NID1: variants seen among roughly 807,000 people sequenced by gnomAD.
NID1 encodes nidogen 1, also known as nidogen-1.
Under a neutral mutation model 130.6 loss-of-function variants are expected in NID1, and 76 were observed. That is an observed-to-expected ratio of 0.58 (90% CI 0.48 to 0.70). The LOEUF (loss-of-function observed/expected upper bound fraction) is 0.70, where lower values mean the gene tolerates loss of function less well. Ranked by LOEUF, NID1 falls within the 30% of genes least tolerant of loss-of-function variation. The probability of loss-of-function intolerance (pLI) is 0.00; values close to 1 mark genes in which losing one functional copy is unlikely to be tolerated. For synonymous variants in NID1, 665 were observed against 675.1 expected (o/e 0.98, Z 0.23); for missense variants, 1,517 against 1,664.8 (o/e 0.91, Z 1.54).
At chr1:235,988,504 A>G (rs1011820953) in intron 14 of NID1, among the ~76,000 whole-genome samples, 5 of 152,354 alleles carry the variant, frequency 3.3e-5, no homozygotes, top group African/African-American at 1.2e-4. Context: ...GAATTACTGT[A>G]TGATCCAGCA....
intron 1 of NID1, among the ~76,000 whole-genome samples, chr1:236,054,017 G>T (rs1659830799): frequency 6.6e-6 from 1 of 152,146 alleles, no homozygotes; most frequent in African/African-American, 2.4e-5. Flanking sequence ...GGAGACAGAA[G>T]AACATGCTAA....
Position 236,042,004 on chromosome 1 carries a change from T to C in NID1, c.1041A>G (p.Thr347=). The C allele has an allele frequency of 6.2e-7, 1 of 1,614,176 alleles. No homozygotes were observed. Among genetic ancestry groups the C allele is most frequent in the East Asian group, 2.2e-5 (1 of 44,878 alleles). The part of the protein sequence containing the change: ...AATERPLGPP[T]ERTRSFQLAV... ...CCAACTGGAAAGACCTGGTTCTCTC[T>C]GTGGGAGGTCCAAGGGGCCTTTCGG... Residue 347 remains threonine, a synonymous_variant, in exon 4 of 20, where the codon ACA becomes ACG. Transcript: ENST00000264187.
intron 10 of NID1, among the ~76,000 whole-genome samples, chr1:236,015,872 C>T (rs1284742547): frequency 6.6e-6 from 1 of 151,980 alleles, no homozygotes; most frequent in African/African-American, 2.4e-5. Flanking sequence ...GACATTTGCC[C>T]AGCACCTGTC....
At chr1:236,060,683 T>C (rs1660013664) in intron 1 of NID1, 1 of 151,952 alleles carries the variant, frequency 6.6e-6, no homozygotes, top group Admixed American at 6.6e-5. Flanking sequence ...TTGGGGCTTT[T>C]CCGATGGTAG....
intron 12 of NID1, among the ~76,000 whole-genome samples, chr1:235,996,378 T>C (rs943999697): frequency 1.3e-5 from 2 of 152,222 alleles, no homozygotes; most frequent in Admixed American, 6.5e-5. Context: ...AGCCAAGGAA[T>C]GCCTAGGTGC....
In NID1 at chr1:236,025,780, TA is replaced by T. The variant is rs1658911388; in HGVS notation, c.1984+115del. 5.2e-6 allele frequency: 7 copies of T among 1,343,960 alleles called. No homozygotes were observed. The South Asian group carries it at 8.4e-5, about 16-fold the overall frequency. 83.3% of individuals were successfully genotyped at this position (1,343,960 alleles called of 1,614,324 possible). A position where few individuals can be genotyped will look rare whatever the true frequency, so the allele number is the denominator to read the frequency against. On this transcript the variant is annotated intron_variant, in intron 8 of 19. Transcript: ENST00000264187. ...ACATTCTTTTTTTCCTGCCAGAAGATACTTTAGCATAATTTTCTTCTACAGA... is the reference window on the plus strand; with the variant it reads ...ACATTCTTTTTTTCCTGCCAGAAGATCTTTAGCATAATTTTCTTCTACAGA...
chr1:236,057,333 G>A (rs887292128), intron 1 of NID1, among the ~76,000 whole-genome samples: 1 of 152,144 alleles, frequency 6.6e-6, no homozygotes, highest in East Asian at 1.9e-4. Context: ...GAGGAGAAAT[G>A]TGCCAGAAAA....
chr1:236,034,983 TCTTTC>T (rs1659209768), intron 5 of NID1, among the ~76,000 whole-genome samples: 1 of 111,968 alleles, frequency 8.9e-6, no homozygotes, highest in African/African-American at 5.6e-5. Context: ...CTTTTTTTTT[TCTTTC>T]TTTCTTTCTT....
chr1:236,037,660 GA>G (rs34826236), intron 5 of NID1, among the ~76,000 whole-genome samples: 59 of 127,980 alleles, frequency 4.6e-4, no homozygotes, highest in African/African-American at 1.3e-3. Context: ...TCTGTCTCAA[GA>G]AAAAAAAAAA....
rs946452738 is a variant in NID1, at chr1:235,991,044, C to T, written c.2770G>A (p.Ala924Thr). 1.3e-6 allele frequency: 2 copies of T among 1,598,310 alleles called. No individual in the cohort carries two copies. Among genetic ancestry groups the T allele is most frequent in the Non-Finnish European group, 8.5e-7 (1 of 1,172,762 alleles). ...GMTPPCLSTV[A>T]PPIHQGPAVP... ...GCAGGTCCTTGGTGAATCGGGGGAG[C>T]CACTGTACTCAGACCTGCATGGCAG... Residue 924 changes from alanine (A) to threonine (T), a missense_variant, in exon 14 of 20, where the codon GCT becomes ACT. By Grantham distance (58) the Ala-to-Thr change is moderately conservative. Around this residue, in one of 3 missense-constraint regions of NID1, gnomAD observed 1,329 missense variants for 1,429.2 expected, o/e 0.93. Transcript: ENST00000264187.
chr1:236,008,315 AGC>A (rs927148435), intron 12 of NID1, among the ~76,000 whole-genome samples: 3 of 152,202 alleles, frequency 2.0e-5, no homozygotes, highest in African/African-American at 7.2e-5. Context: ...ACATTTCAGT[AGC>A]CATGATCTTC....
In NID1 at chr1:236,042,067, G is replaced by A; in HGVS notation, c.978C>T (p.Tyr326=). 6.2e-7 allele frequency: 1 copy of A among 1,614,188 alleles called. No homozygotes were observed. The highest frequency in any genetic ancestry group is 1.1e-5 in the South Asian group (1 of 91,082). ...KALRRGGADT[Y]SVPSVLSPRR... ...GCGGGGAGAGGACGCTGGGCACACTGTATGTGTCAGCACCTCCCCTTCTCA... is the reference window on the plus strand; with the variant it reads ...GCGGGGAGAGGACGCTGGGCACACTATATGTGTCAGCACCTCCCCTTCTCA... Residue 326 remains tyrosine, a synonymous_variant, in exon 4 of 20, where the codon TAC becomes TAT. Coordinates refer to ENST00000264187, the MANE Select transcript of NID1 (RefSeq NM_002508.3).
At chr1:236,034,422 C>CAAAAAAAAAAAAAAAAAAAAAAAA (rs144657585) in intron 5 of NID1, among the ~76,000 whole-genome samples, 2 of 92,636 alleles carry the variant, frequency 2.2e-5, no homozygotes, top group African/African-American at 7.8e-5. Context: ...AACTCCATCT[C>CAAAAAAAAAAAAAAAAAAAAAAAA]AAAAAAAAAA....
At chr1:236,031,353 T>C (rs1161854774) in intron 6 of NID1, among the ~76,000 whole-genome samples, 1 of 152,182 alleles carries the variant, frequency 6.6e-6, no homozygotes, top group East Asian at 1.9e-4. Context: ...CTCCTGACCT[T>C]GTGATCCATG....
In NID1 at chr1:236,045,593, T is replaced by C; in HGVS notation, c.616A>G (p.Thr206Ala). 6.2e-7 allele frequency: 1 copy of C among 1,614,156 alleles called. No homozygotes were observed. Residue 206 changes from threonine (T) to alanine (A), a missense_variant, in exon 3 of 20, where the codon ACA (threonine) becomes GCA (alanine). Coordinates refer to ENST00000264187, the MANE Select transcript of NID1 (RefSeq NM_002508.3). ...TGGTTGTTTTCCTTCTTTGAGAATG[T>C]CGTATGGAACTGCAGACCATCCTCA... Reference protein sequence around the residue: ...YPEDGLQFHTTFSKKENNQVP... With the variant: ...YPEDGLQFHTAFSKKENNQVP...
At chr1:236,033,311 AAGAG>A (rs1261562103) in intron 5 of NID1, among the ~76,000 whole-genome samples, 3 of 152,042 alleles carry the variant, frequency 2.0e-5, no homozygotes, top group Non-Finnish European at 4.4e-5. Flanking sequence ...GTCTCAAAAA[AAGAG>A]AGAGAGAGAG....
intron 14 of NID1, 45 bp downstream of exon 14, chr1:235,990,841 C>A: frequency 6.2e-7 from 1 of 1,605,854 alleles, no homozygotes; most frequent in South Asian, 1.1e-5. Context: ...TTTTCCAGGT[C>A]ACTGAAGCAG....
At chr1:235,996,504 G>A (rs1406553194) in intron 12 of NID1, among the ~76,000 whole-genome samples, 1 of 151,840 alleles carries the variant, frequency 6.6e-6, no homozygotes. Flanking sequence ...GTGCAGTGGT[G>A]CAATCTCAGT....
chr1:236,010,893 TAGTG>T (rs1658389626), intron 12 of NID1, among the ~76,000 whole-genome samples: 1 of 152,250 alleles, frequency 6.6e-6, no homozygotes, highest in South Asian at 2.1e-4. Flanking sequence ...AAACTAGTCT[TAGTG>T]AGAGTGAAGA....
Sources: gnomAD v4.1 joint callset for allele counts (sites outside exome capture counted in the v4.1 genomes callset) on GRCh38, gnomAD v4.1.1 for gene constraint, gnomAD v4.1.1 regional missense constraint, MANE v1.5 for transcripts, NCBI Gene and HGNC (gene_info 2026-07-23, HGNC 2026-07-21) for gene names.